Variants in LHFPL6 observed in about 807,000 individuals in gnomAD.
LHFPL6 encodes the protein LHFPL tetraspan subfamily member 6 protein.
In LHFPL6, 9 loss-of-function variants were observed where a neutral mutation model predicts 20.6. The observed-to-expected ratio is 0.44, with a 90% confidence interval of 0.26 to 0.76. The LOEUF (loss-of-function observed/expected upper bound fraction) is 0.76. Ranked by LOEUF, LHFPL6 falls within the 30% of genes least tolerant of loss-of-function variation. LHFPL6 has a pLI of 0.20. For missense variants in LHFPL6, 218 were observed against 253.5 expected, an observed-to-expected ratio of 0.86 and a Z score of 0.95; for synonymous variants, 105 against 98.7, an observed-to-expected ratio of 1.06 and a Z score of -0.38.
chr13:39,490,458 T>C (rs1409419656), intron 2 of LHFPL6, among the ~76,000 whole-genome samples: 1 of 152,316 alleles, frequency 6.6e-6, no homozygotes, highest in East Asian at 1.9e-4. Flanking sequence ...ACCGGTAGGC[T>C]CGCTCTCAGG....
At chr13:39,420,276 A>C (rs1452514207) in intron 2 of LHFPL6, among the ~76,000 whole-genome samples, 1 of 152,228 alleles carries the variant, frequency 6.6e-6, no homozygotes, top group Non-Finnish European at 1.5e-5. Context: ...GCCCATCAAA[A>C]TGTAATCCAT....
At chr13:39,518,449 T>C (rs1198802635) in intron 2 of LHFPL6, among the ~76,000 whole-genome samples, 1 of 152,234 alleles carries the variant, frequency 6.6e-6, no homozygotes, top group Non-Finnish European at 1.5e-5. Context: ...TTAATCAACT[T>C]ATATGTAGAA....
chr13:39,532,428 C>T (rs1222577366), intron 2 of LHFPL6, among the ~76,000 whole-genome samples: 1 of 152,138 alleles, frequency 6.6e-6, no homozygotes, highest in Non-Finnish European at 1.5e-5. Flanking sequence ...AAATCCTACC[C>T]ATAGTCCAAA....
intron 2 of LHFPL6, among the ~76,000 whole-genome samples, chr13:39,475,461 A>C (rs1169306510): frequency 6.6e-6 from 1 of 152,002 alleles, no homozygotes; most frequent in Non-Finnish European, 1.5e-5. Context: ...AGCCATGAAG[A>C]AACAAAAAAC....
intron 2 of LHFPL6, among the ~76,000 whole-genome samples, chr13:39,524,329 C>A (rs1168754468): frequency 7.9e-6 from 1 of 127,170 alleles, no homozygotes; most frequent in African/African-American, 3.1e-5. Context: ...GTGACTCACT[C>A]ACAGGTAAGG....
In LHFPL6 at chr13:39,551,394, G is replaced by A. The variant is rs146193905; in HGVS notation, c.385+49438C>T. 5.0e-3 allele frequency among the ~76,000 whole-genome samples: 763 copies of A among 151,518 alleles called. 6 individuals are homozygous for A. The highest frequency in any genetic ancestry group is 0.014 in the Admixed American group (210 of 15,262). On this transcript the variant is annotated intron_variant, in intron 2 of 3. Transcript: ENST00000379589. The stretch of plus-strand genomic sequence containing the variant: ...GTAATGGCATTAATCCATTCCTGAG[G>A]GCTCTACTCTCCTGACCCAATTACC...
rs59600018 is a variant in LHFPL6, at chr13:39,529,843, C to T, written c.385+70989G>A. ...TTATAATCCAAAAGGAGGAAACACA[C>T]GGATAAAGTAATCAACAACAACACA... On this transcript the variant is annotated intron_variant, in intron 2 of 3. Transcript: ENST00000379589. Among the ~76,000 whole-genome samples the T allele has an allele frequency of 3.1e-3, 469 of 152,040 alleles. 2 individuals carry two copies. Among genetic ancestry groups the T allele is most frequent in the African/African-American group, 0.011 (445 of 41,452 alleles).
chr13:39,348,727 C>T (rs1241635012), intron 3 of LHFPL6, among the ~76,000 whole-genome samples: 6 of 152,174 alleles, frequency 3.9e-5, no homozygotes, highest in Non-Finnish European at 5.9e-5. Context: ...AGCTAAGCCA[C>T]CCCACCCGCC....
At chr13:39,493,055 T>C (rs1868982031) in intron 2 of LHFPL6, among the ~76,000 whole-genome samples, 2 of 152,102 alleles carry the variant, frequency 1.3e-5, no homozygotes, top group African/African-American at 4.8e-5. Context: ...TCTATAACCA[T>C]ACTCCTGCTG....
chr13:39,590,162 G>GT (rs1204468156), intron 2 of LHFPL6, among the ~76,000 whole-genome samples: 7 of 152,078 alleles, frequency 4.6e-5, no homozygotes, highest in Non-Finnish European at 1.0e-4. Context: ...GTTCTCAGCT[G>GT]TTAAAAAAAA....
intron 2 of LHFPL6, among the ~76,000 whole-genome samples, chr13:39,562,631 T>A (rs905511116): frequency 6.4e-5 from 2 of 31,194 alleles, no homozygotes; most frequent in South Asian, 2.0e-3. Flanking sequence ...TATACACACA[T>A]ATATATACAC....
intron 3 of LHFPL6, among the ~76,000 whole-genome samples, chr13:39,377,525 AAAACAACAG>A (rs1484034832): frequency 6.6e-6 from 1 of 152,234 alleles, no homozygotes; most frequent in Non-Finnish European, 1.5e-5. Context: ...AACATGTCTT[AAAACAACAG>A]ATACTGGAAT....
At chr13:39,476,264 A>G (rs1469432970) in intron 2 of LHFPL6, among the ~76,000 whole-genome samples, 2 of 152,336 alleles carry the variant, frequency 1.3e-5, no homozygotes, top group Non-Finnish European at 2.9e-5. Flanking sequence ...TCCTGGGCTC[A>G]AGCGATCCTC....
chr13:39,439,759 C>T (rs1307755430), intron 2 of LHFPL6, among the ~76,000 whole-genome samples: 1 of 152,120 alleles, frequency 6.6e-6, no homozygotes, highest in Non-Finnish European at 1.5e-5. Flanking sequence ...TCCCCACTCT[C>T]TCTCTTCCTC....
intron 2 of LHFPL6, among the ~76,000 whole-genome samples, chr13:39,469,772 A>G: frequency 6.6e-6 from 1 of 152,242 alleles, no homozygotes; most frequent in East Asian, 1.9e-4. Flanking sequence ...GTAATTTCTC[A>G]AAGCATTTGC....
intron 2 of LHFPL6, among the ~76,000 whole-genome samples, chr13:39,512,397 T>C (rs55702746): frequency 3.8e-4 from 58 of 151,962 alleles, no homozygotes; most frequent in African/African-American, 1.3e-3. Flanking sequence ...GGTCAGGTGA[T>C]CGAGACCATC....
At chr13:39,511,137 T>G (rs955480982) in intron 2 of LHFPL6, among the ~76,000 whole-genome samples, 1 of 152,142 alleles carries the variant, frequency 6.6e-6, no homozygotes, top group Non-Finnish European at 1.5e-5. Context: ...CCTCCCAAAG[T>G]GCTGAGATTA....
chr13:39,598,979 T>C (rs549058795), intron 2 of LHFPL6, among the ~76,000 whole-genome samples: 2 of 152,276 alleles, frequency 1.3e-5, no homozygotes, highest in East Asian at 3.9e-4. Context: ...ATTTCCCCAA[T>C]TGTCTGTCCC....
chr13:39,422,227 G>T (rs1871510910), intron 2 of LHFPL6, among the ~76,000 whole-genome samples: 2 of 152,144 alleles, frequency 1.3e-5, no homozygotes, highest in South Asian at 4.1e-4. Context: ...CTATGTAAGT[G>T]GCAGCAGACT....
Sources: allele counts gnomAD v4.1 joint callset (sites outside exome capture counted in the v4.1 genomes callset), GRCh38; gene constraint gnomAD v4.1.1; transcripts MANE v1.5; gene names NCBI Gene and HGNC (gene_info 2026-07-23, HGNC 2026-07-21).